Variants in CTR9 observed in about 807,000 individuals in gnomAD.
CTR9 encodes RNA polymerase-associated protein CTR9 homolog.
CTR9 carries 41 observed loss-of-function variants against 152.1 expected under a neutral mutation model. That is an observed-to-expected ratio of 0.27 (90% CI 0.21 to 0.35). CTR9 has a LOEUF of 0.35. Among genes scored for constraint, CTR9 ranks in the 10% least tolerant of loss-of-function variants. The probability of loss-of-function intolerance (pLI) is 1.00; values close to 1 mark genes in which losing one functional copy is unlikely to be tolerated. For missense variants in CTR9, 917 were observed against 1,424.4 expected, an observed-to-expected ratio of 0.64 and a Z score of 5.73; for synonymous variants, 476 against 496.2, an observed-to-expected ratio of 0.96 and a Z score of 0.54.
intron 24 of CTR9, among the ~76,000 whole-genome samples, chr11:10,776,994 AAAG>A (rs1863249956): frequency 6.6e-6 from 1 of 151,674 alleles, no homozygotes; most frequent in Admixed American, 6.6e-5. Context: ...AAAAAAAAAA[AAAG>A]CTCACATTAT....
At chr11:10,766,663 T>G (rs575669409) in intron 13 of CTR9, among the ~76,000 whole-genome samples, 173 bp downstream of exon 13, 1 of 152,236 alleles carries the variant, frequency 6.6e-6, no homozygotes, top group African/African-American at 2.4e-5. Context: ...AATCATGTTA[T>G]AAATAGGGAC....
Position 10,751,591 on chromosome 11 carries a change from T to A in CTR9, c.45+134T>A, listed in dbSNP as rs1564963532. 3.5e-6 allele frequency: 3 copies of A among 855,306 alleles called. No homozygotes were observed. The South Asian group carries it at 4.6e-5, about 13-fold the overall frequency. The allele number at this position is 855,306 out of a possible 1,614,324, so 53.0% of individuals were successfully genotyped here. A position where few individuals can be genotyped will look rare whatever the true frequency, so the allele number is the denominator to read the frequency against. The stretch of plus-strand genomic sequence containing the variant: ...CCCTGATCGAAATACCTGGCCAAGG[T>A]CTGATCATCATCTTCTTCAGCCCCT... On this transcript the variant is annotated intron_variant, in intron 1 of 24. Transcript: ENST00000361367.
At chr11:10,773,802 T>C (rs928389579) in intron 21 of CTR9, among the ~76,000 whole-genome samples, 1 of 151,452 alleles carries the variant, frequency 6.6e-6, no homozygotes, top group African/African-American at 2.4e-5. Flanking sequence ...CGAGAATCAC[T>C]TGAACCCAAG....
At position 10,771,396 on chromosome 11, in the gene CTR9, A is replaced by G. The variant is rs1227264880; in HGVS notation, c.2373-149A>G. On this transcript the variant is annotated intron_variant, in intron 18 of 24. Coordinates refer to ENST00000361367, the MANE Select transcript of CTR9 (RefSeq NM_014633.5). The stretch of plus-strand genomic sequence containing the variant: ...TTAGACCATCTTGATGAACGTGTCT[A>G]TTAAATGTAATGAGTGGCATAAATT... The G allele has an allele frequency of 7.3e-6, 4 of 548,198 alleles. No individual in the cohort carries two copies. The East Asian group carries it at 1.2e-4, about 17-fold the overall frequency. 34.0% of individuals were successfully genotyped at this position (548,198 alleles called of 1,614,324 possible).
Position 10,778,966 on chromosome 11 carries a change from C to A in CTR9, c.3383C>A (p.Ala1128Asp). The A allele has an allele frequency of 6.2e-7, 1 of 1,614,128 alleles. No homozygotes were observed. The highest frequency in any genetic ancestry group is 8.5e-7 in the Non-Finnish European group (1 of 1,180,032). The stretch of plus-strand genomic sequence containing the variant: ...GACTCTCGCCCAGCTTCTCCAAGTG[C>A]CGAATCAGATCACGAATCGGAGAGA... The part of the protein sequence containing the change: ...ENDSRPASPS[A>D]ESDHESERGS... Residue 1128 changes from alanine (A) to aspartate (D), a missense_variant, in exon 25 of 25, where the codon GCC (alanine) becomes GAC (aspartate). Ala to Asp is a moderately radical substitution (Grantham distance 126). This residue lies in a region of CTR9 where 384 missense variants were observed against 398.4 expected (regional missense o/e 0.96). Transcript: ENST00000361367.
Position 10,755,210 on chromosome 11 carries a change from T to G in CTR9, c.384+13T>G. 6.3e-7 allele frequency: 1 copy of G among 1,586,676 alleles called. No individual in the cohort carries two copies. The highest frequency in any genetic ancestry group is 8.6e-7 in the Non-Finnish European group (1 of 1,166,934). ...TATGTATGATCAGGTAAAAATAAAG[T>G]CAAATTTCTTTCCATTTATGAAGGG... On this transcript the variant is annotated intron_variant, in intron 3 of 24. Coordinates refer to ENST00000361367, the MANE Select transcript of CTR9 (RefSeq NM_014633.5).
chr11:10,768,816 C>G (rs1193634735), intron 16 of CTR9, among the ~76,000 whole-genome samples: 1 of 152,142 alleles, frequency 6.6e-6, no homozygotes, highest in Non-Finnish European at 1.5e-5. Context: ...ACTAGCATGC[C>G]TAGCATATTA....
Position 10,775,195 on chromosome 11 carries a change from T to A in CTR9, c.2886-12T>A. ...CTCTTGACAAACTCTCTCTTGGTGT[T>A]CACTATTTAAGACATCCAAAGGGAG... On this transcript the variant is annotated splice_polypyrimidine_tract_variant and intron_variant, in intron 22 of 24. Coordinates refer to ENST00000361367, the MANE Select transcript of CTR9 (RefSeq NM_014633.5). The A allele has an allele frequency of 6.2e-7, 1 of 1,605,756 alleles. No individual in the cohort carries two copies. The highest frequency in any genetic ancestry group is 1.1e-5 in the South Asian group (1 of 90,718).
Position 10,768,066 on chromosome 11 carries a change from T to C in CTR9, c.1873-8T>C. 6.2e-7 allele frequency: 1 copy of C among 1,614,070 alleles called. No homozygotes were observed. The highest frequency in any genetic ancestry group is 8.5e-7 in the Non-Finnish European group (1 of 1,179,970). Reference sequence around the variant, plus strand: ...TTGAATCTTTTTTAAGAGCACTTGTTTCTATAGGAAAAGCGTCATCAAGAT... The same window carrying C: ...TTGAATCTTTTTTAAGAGCACTTGTCTCTATAGGAAAAGCGTCATCAAGAT... On this transcript the variant is annotated splice_region_variant and splice_polypyrimidine_tract_variant and intron_variant, in intron 14 of 24. Coordinates refer to ENST00000361367, the MANE Select transcript of CTR9 (RefSeq NM_014633.5).
intron 21 of CTR9, 64 bp downstream of exon 21, chr11:10,773,337 G>A (rs1351478861): frequency 6.4e-7 from 1 of 1,573,536 alleles, no homozygotes. Flanking sequence ...TGAGAAATGA[G>A]GATAATTGGT....
Position 10,755,869 on chromosome 11 carries a change from G to T in CTR9, c.502+74G>T, listed in dbSNP as rs1182411285. 23 of 809,022 alleles carry T rather than the reference G, an allele frequency of 2.8e-5. No homozygotes were observed. In the East Asian group the frequency reaches 5.8e-4, roughly 21 times the overall value. 50.1% of individuals were successfully genotyped at this position (809,022 alleles called of 1,614,324 possible). Reference sequence around the variant, plus strand: ...GCCTAGAATATATCTCTTGGTAATAGCTCCTTAATAACTCAGCTAGACAGC... The same window carrying T: ...GCCTAGAATATATCTCTTGGTAATATCTCCTTAATAACTCAGCTAGACAGC... On this transcript the variant is annotated intron_variant, in intron 4 of 24. Transcript: ENST00000361367.
chr11:10,754,842 A>G, intron 2 of CTR9, 116 bp from the exon 3 acceptor site: 2 of 1,063,828 alleles, frequency 1.9e-6, no homozygotes, highest in South Asian at 1.7e-5. Context: ...GTTAATCAAC[A>G]TTTTGATTGT....
At chr11:10,759,237 C>T (rs1862936269) in intron 5 of CTR9, among the ~76,000 whole-genome samples, 1 of 152,016 alleles carries the variant, frequency 6.6e-6, no homozygotes, top group African/African-American at 2.4e-5. Flanking sequence ...AAGATAATAG[C>T]CAGAGGTATA....
chr11:10,771,622 G>C lies in CTR9; in HGVS notation c.2444+6G>C. The C allele has an allele frequency of 1.2e-6, 2 of 1,605,984 alleles. No individual in the cohort carries two copies. Among genetic ancestry groups the C allele is most frequent in the Non-Finnish European group, 1.7e-6 (2 of 1,172,676 alleles). On this transcript the variant is annotated splice_donor_region_variant and intron_variant, in intron 19 of 24. Transcript: ENST00000361367. ...CTTGCTGCTACAGAAGCCAGGTAATGTTACTATTTATGGAAGGTGACTTTG... is the reference window on the plus strand; with the variant it reads ...CTTGCTGCTACAGAAGCCAGGTAATCTTACTATTTATGGAAGGTGACTTTG...
chr11:10,770,950 G>A (rs2135379295), intron 18 of CTR9, among the ~76,000 whole-genome samples: 1 of 152,318 alleles, frequency 6.6e-6, no homozygotes, highest in East Asian at 1.9e-4. Flanking sequence ...ACAGTAATGT[G>A]ACCCAGCATT....
intron 6 of CTR9, among the ~76,000 whole-genome samples, chr11:10,760,874 A>G (rs1862965389): frequency 6.6e-6 from 1 of 152,170 alleles, no homozygotes; most frequent in Admixed American, 6.5e-5. Flanking sequence ...CTGTCACCTT[A>G]TAGTCACAAG....
At chr11:10,775,763 G>A in intron 24 of CTR9, 130 bp downstream of exon 24, 1 of 572,818 alleles carries the variant, frequency 1.7e-6, no homozygotes. Flanking sequence ...AGAGGGGTGG[G>A]GACAGACTTG....
Position 10,766,419 on chromosome 11 carries a change from G to A in CTR9, c.1615G>A (p.Ala539Thr), listed in dbSNP as rs766958552. The part of the protein sequence containing the change: ...NYVDCYLRLG[A>T]MARDKGNFYE... The stretch of plus-strand genomic sequence containing the variant: ...GTTTTCAGGCTATTTGCGCCTAGGA[G>A]CCATGGCTAGAGATAAGGGAAACTT... Residue 539 changes from alanine (A) to threonine (T), a missense_variant, in exon 13 of 25, where the codon GCC (alanine) becomes ACC (threonine). Coordinates refer to ENST00000361367, the MANE Select transcript of CTR9 (RefSeq NM_014633.5). 3.1e-6 allele frequency: 5 copies of A among 1,610,132 alleles called. No individual in the cohort carries two copies. Among genetic ancestry groups the A allele is most frequent in the South Asian group, 2.2e-5 (2 of 89,754 alleles).
In CTR9 at chr11:10,772,568, A is replaced by T; in HGVS notation, c.2493A>T (p.Ala831=). 1.2e-6 allele frequency: 2 copies of T among 1,612,076 alleles called. No homozygotes were observed. The highest frequency in any genetic ancestry group is 1.7e-6 in the Non-Finnish European group (2 of 1,179,072). Residue 831 remains alanine (A), a synonymous_variant, in exon 20 of 25, where the codon GCA becomes GCT. Coordinates refer to ENST00000361367, the MANE Select transcript of CTR9 (RefSeq NM_014633.5). ...LSQAQYHVAR[A]RKQDEEEREL... The stretch of plus-strand genomic sequence containing the variant: ...AGGCCCAGTACCATGTGGCCCGGGC[A>T]CGCAAACAAGATGAAGAAGAGCGGG...
Sources: allele counts gnomAD v4.1 joint callset (sites outside exome capture counted in the v4.1 genomes callset), GRCh38; gene constraint gnomAD v4.1.1; regional missense constraint gnomAD v4.1.1; transcripts MANE v1.5; gene names NCBI Gene and HGNC (gene_info 2026-07-23, HGNC 2026-07-21).